IQCM: variants seen among roughly 807,000 people sequenced by gnomAD.
The protein encoded by IQCM is IQ domain-containing protein M.
A neutral mutation model predicts 57.6 loss-of-function variants in IQCM; 45 were observed. That is an observed-to-expected ratio of 0.78 (90% CI 0.62 to 1.00). The LOEUF (loss-of-function observed/expected upper bound fraction) is 1.00, where lower values mean the gene tolerates loss of function less well. Among genes scored for constraint, IQCM ranks in the 50% least tolerant of loss-of-function variants. The probability of loss-of-function intolerance (pLI) is 0.00; values close to 1 mark genes in which losing one functional copy is unlikely to be tolerated. For synonymous variants in IQCM, 148 were observed against 158.9 expected (o/e 0.93, Z 0.51); for missense variants, 468 against 511.6 (o/e 0.91, Z 0.82).
At chr4:149,413,635 A>G (rs1733545592) in intron 13 of IQCM, among the ~76,000 whole-genome samples, 1 of 152,220 alleles carries the variant, frequency 6.6e-6, no homozygotes, top group Non-Finnish European at 1.5e-5. Context: ...AACAAAATTT[A>G]CAGAGTTCGA....
chr4:149,502,949 G>A (rs546232097), intron 12 of IQCM, among the ~76,000 whole-genome samples: 8 of 151,994 alleles, frequency 5.3e-5, no homozygotes, highest in East Asian at 3.9e-4. Flanking sequence ...AAAGTAGGCC[G>A]GGCACGGTGG....
At chr4:149,428,955 G>A (rs757235444) in intron 13 of IQCM, among the ~76,000 whole-genome samples, 2 of 151,832 alleles carry the variant, frequency 1.3e-5, no homozygotes, top group Non-Finnish European at 2.9e-5. Flanking sequence ...TGAGAAACTT[G>A]ACAGTAATAT....
At chr4:149,466,556 G>A (rs546767700) in intron 12 of IQCM, among the ~76,000 whole-genome samples, 1 of 152,094 alleles carries the variant, frequency 6.6e-6, no homozygotes, top group Non-Finnish European at 1.5e-5. Context: ...TTTTCAAGAG[G>A]AGCAAAAATG....
chr4:149,442,828 G>A (rs1376579981), intron 12 of IQCM, among the ~76,000 whole-genome samples: 2 of 151,488 alleles, frequency 1.3e-5, no homozygotes, highest in African/African-American at 2.4e-5. Context: ...CCTCAATATC[G>A]TAGCCTCCAC....
chr4:149,407,019 G>A (rs11938009), intron 13 of IQCM, among the ~76,000 whole-genome samples: 4,185 of 151,486 alleles, frequency 0.028, 172 homozygotes, highest in African/African-American at 0.094. Flanking sequence ...GGTGGAAGGC[G>A]AAAGGCACGT....
intron 13 of IQCM, among the ~76,000 whole-genome samples, chr4:149,387,065 C>T (rs1227526968): frequency 2.0e-5 from 3 of 152,038 alleles, no homozygotes; most frequent in Admixed American, 2.0e-4. Context: ...GCTATAACAA[C>T]ATACCATAGA....
intron 12 of IQCM, among the ~76,000 whole-genome samples, chr4:149,446,033 A>G (rs2111366417): frequency 6.6e-6 from 1 of 151,958 alleles, no homozygotes; most frequent in Non-Finnish European, 1.5e-5. Flanking sequence ...ACATTATTTT[A>G]TCTTACTTTC....
chr4:149,726,127 G>GAAAGAAAGAAAGA lies in IQCM; in HGVS notation c.385+7104_385+7116dup, dbSNP rs1383676182. Among the ~76,000 whole-genome samples, 15 of 142,270 alleles carry GAAAGAAAGAAAGA rather than the reference G, an allele frequency of 1.1e-4. No homozygotes were observed. In the South Asian group the frequency reaches 2.7e-3, roughly 26 times the overall value. 93.3% of individuals were successfully genotyped at this position (142,270 alleles called of 152,430 possible). On this transcript the variant is annotated intron_variant, in intron 5 of 13. Transcript: ENST00000636793. ...AGAAAGAAAGAAAGAAAGAAAGAAA[G>GAAAGAAAGAAAGA]AAAGAAAGAAAGAAAAGAAAGAAAG...
In IQCM at chr4:149,410,854, A is replaced by G. The variant is rs1175811681; in HGVS notation, c.1390+22542T>C. Among the ~76,000 whole-genome samples the G allele has an allele frequency of 2.0e-5, 3 of 152,246 alleles. No individual in the cohort carries two copies. In the East Asian group the frequency reaches 5.8e-4, roughly 29 times the overall value. The stretch of plus-strand genomic sequence containing the variant: ...CAAAGGACCTATTCCTAACCCTTCA[A>G]CAGGATAGATGTTATTGATTGATTT... On this transcript the variant is annotated intron_variant, in intron 13 of 13. Transcript: ENST00000636793.
chr4:149,605,780 A>G (rs1251847366), intron 8 of IQCM, among the ~76,000 whole-genome samples: 1 of 150,098 alleles, frequency 6.7e-6, no homozygotes, highest in South Asian at 2.1e-4. Context: ...TGCAATGCCT[A>G]TATAACCCCT....
chr4:149,592,141 G>A (rs538194399), intron 8 of IQCM, among the ~76,000 whole-genome samples: 13 of 152,200 alleles, frequency 8.5e-5, no homozygotes, highest in East Asian at 5.8e-4. Flanking sequence ...TTTAATGACC[G>A]CCATTCTAAC....
intron 5 of IQCM, among the ~76,000 whole-genome samples, chr4:149,710,087 A>T (rs1033918919): frequency 1.2e-4 from 19 of 152,166 alleles, no homozygotes; most frequent in African/African-American, 4.1e-4. Flanking sequence ...ATAAATGACT[A>T]GAAAAGTTAT....
intron 12 of IQCM, among the ~76,000 whole-genome samples, chr4:149,504,328 A>C (rs1308567575): frequency 6.6e-6 from 1 of 152,246 alleles, no homozygotes; most frequent in Non-Finnish European, 1.5e-5. Context: ...AACCGAATTT[A>C]AGAACAATAT....
chr4:149,553,158 T>C lies in IQCM; in HGVS notation c.1078A>G (p.Met360Val). 1 of 1,232,040 alleles carries C rather than the reference T, an allele frequency of 8.1e-7. No homozygotes were observed. The highest frequency in any genetic ancestry group is 1.0e-6 in the Non-Finnish European group (1 of 987,866). 76.3% of individuals were successfully genotyped at this position (1,232,040 alleles called of 1,614,324 possible). A position where few individuals can be genotyped will look rare whatever the true frequency, so the allele number is the denominator to read the frequency against. The part of the protein sequence containing the change: ...ILNLAELEEW[M>V]DRKKFYEIMF... ...CATCACTTACATTTTTTTCGGTCCATCCACTCCTCTAGCTCTGCTAAGTTG... is the reference window on the plus strand; with the variant it reads ...CATCACTTACATTTTTTTCGGTCCACCCACTCCTCTAGCTCTGCTAAGTTG... The change falls in exon 11 of 14, where the codon ATG (methionine) becomes GTG (valine). Residue 360 changes from methionine (M) to valine (V), a missense_variant. Transcript: ENST00000636793.
At chr4:149,511,666 A>G (rs1744438466) in intron 12 of IQCM, among the ~76,000 whole-genome samples, 1 of 152,136 alleles carries the variant, frequency 6.6e-6, no homozygotes, top group Non-Finnish European at 1.5e-5. Context: ...CTCCCCTGTC[A>G]TAGACCTTAT....
At chr4:149,527,294 T>C (rs1439229539) in intron 12 of IQCM, among the ~76,000 whole-genome samples, 1 of 152,234 alleles carries the variant, frequency 6.6e-6, no homozygotes, top group Non-Finnish European at 1.5e-5. Flanking sequence ...TATTTCCCTC[T>C]TATTATGGAT....
At chr4:149,396,391 G>T (rs1201318694) in intron 13 of IQCM, among the ~76,000 whole-genome samples, 1 of 150,902 alleles carries the variant, frequency 6.6e-6, no homozygotes, top group Admixed American at 6.6e-5. Context: ...TTTAAAAAAA[G>T]AAAAAAAATA....
chr4:149,433,415 T>C lies in IQCM; in HGVS notation c.1371A>G (p.Glu457=). 2 of 1,224,568 alleles carry C rather than the reference T, an allele frequency of 1.6e-6. No individual in the cohort carries two copies. Among genetic ancestry groups the C allele is most frequent in the Non-Finnish European group, 2.0e-6 (2 of 981,450 alleles). The allele number at this position is 1,224,568 out of a possible 1,614,324, so 75.9% of individuals were successfully genotyped here. A position where few individuals can be genotyped will look rare whatever the true frequency, so the allele number is the denominator to read the frequency against. The change falls in exon 13 of 14, where the codon GAA becomes GAG. Residue 457 remains glutamate (E), a synonymous_variant. Coordinates refer to ENST00000636793, the MANE Select transcript of IQCM (RefSeq NM_001363507.2). ...STWLRPIVNG[E]EGYRYIVNGH... ...TCTTACCTATATATCTATAACCTTC[T>C]TCCCCATTTACTATGGGTCTCAACC...
At chr4:149,661,563 A>G (rs868719245) in intron 7 of IQCM, among the ~76,000 whole-genome samples, 5 of 152,144 alleles carry the variant, frequency 3.3e-5, no homozygotes, top group Non-Finnish European at 5.9e-5. Flanking sequence ...AGATTTCAGC[A>G]GTGAAGTCAT....
Sources: allele counts gnomAD v4.1 joint callset (sites outside exome capture counted in the v4.1 genomes callset), GRCh38; gene constraint gnomAD v4.1.1; transcripts MANE v1.5; gene names NCBI Gene and HGNC (gene_info 2026-07-23, HGNC 2026-07-21).